The following ALK variants were observed in gnomAD, a reference collection of about 807,000 sequenced individuals.
ALK encodes ALK tyrosine kinase receptor.
Under a neutral mutation model 163.1 loss-of-function variants are expected in ALK, and 74 were observed. The observed-to-expected ratio is 0.45, with a 90% CI of 0.38 to 0.55. The LOEUF is 0.55. Among genes scored for constraint, ALK ranks in the 20% least tolerant of loss-of-function variants. The pLI is 0.00. For synonymous variants in ALK, 960 were observed against 843.2 expected, an observed-to-expected ratio of 1.14 and a Z score of -2.40; for missense variants, 2,063 against 2,105.3, an observed-to-expected ratio of 0.98 and a Z score of 0.39.
intron 3 of ALK, among the ~76,000 whole-genome samples, chr2:29,569,650 C>T (rs150286117): frequency 6.6e-6 from 1 of 152,238 alleles, no homozygotes; most frequent in African/African-American, 2.4e-5. Context: ...GTTTCTTGGC[C>T]ATCACTCAAA....
Position 29,229,080 on chromosome 2 carries a change from T to C in ALK, c.2633-14A>G, listed in dbSNP as rs145204128. ...CACCTCCACCACCTGCGGGAAGAGA[T>C]AGGGAACCTGCGTGAGGATGCTGGC... On this transcript the variant is annotated splice_polypyrimidine_tract_variant and intron_variant, in intron 15 of 28. Transcript: ENST00000389048. 3 of 1,613,186 alleles carry C rather than the reference T, an allele frequency of 1.9e-6. No individual in the cohort carries two copies. Among genetic ancestry groups the C allele is most frequent in the Admixed American group, 1.7e-5 (1 of 60,006 alleles).
chr2:29,214,427 C>A (rs1431857701), intron 23 of ALK, among the ~76,000 whole-genome samples: 1 of 152,182 alleles, frequency 6.6e-6, no homozygotes, highest in Non-Finnish European at 1.5e-5. Context: ...CACATTCTCT[C>A]ACCCCAATCT....
intron 4 of ALK, among the ~76,000 whole-genome samples, chr2:29,440,802 C>T (rs940053408): frequency 1.3e-5 from 2 of 152,176 alleles, no homozygotes; most frequent in South Asian, 2.1e-4. Context: ...AGAACACAAG[C>T]GCAAAGGTAG....
At chr2:29,827,109 T>C (rs4131776) in intron 1 of ALK, among the ~76,000 whole-genome samples, 68,894 of 152,058 alleles carry the variant, frequency 0.45, 16,319 homozygotes, top group East Asian at 0.75. Flanking sequence ...TGGGTAACTA[T>C]TGCTAGAGGG....
intron 4 of ALK, among the ~76,000 whole-genome samples, chr2:29,470,111 G>C (rs1341589511): frequency 6.6e-6 from 1 of 152,006 alleles, no homozygotes; most frequent in African/African-American, 2.4e-5. Context: ...CAATAGATGA[G>C]TTTAACAGTA....
chr2:29,492,631 G>A (rs1573399170), intron 4 of ALK, among the ~76,000 whole-genome samples: 1 of 152,278 alleles, frequency 6.6e-6, no homozygotes, highest in East Asian at 1.9e-4. Flanking sequence ...TGCCTGATAA[G>A]AAAAAAGCCA....
intron 4 of ALK, among the ~76,000 whole-genome samples, chr2:29,450,843 C>T (rs1670801787): frequency 6.6e-6 from 1 of 152,128 alleles, no homozygotes; most frequent in Non-Finnish European, 1.5e-5. Flanking sequence ...CCTCAGATCA[C>T]TGACTACCCT....
chr2:29,652,586 A>C (rs1373107190), intron 3 of ALK, among the ~76,000 whole-genome samples: 3 of 152,198 alleles, frequency 2.0e-5, no homozygotes, highest in African/African-American at 7.2e-5. Context: ...GGATTTGGTC[A>C]CTGGAAAGAC....
At chr2:29,476,360 A>G (rs1446956760) in intron 4 of ALK, among the ~76,000 whole-genome samples, 1 of 152,206 alleles carries the variant, frequency 6.6e-6, no homozygotes, top group Non-Finnish European at 1.5e-5. Flanking sequence ...AATTACCACA[A>G]TCATTTTAAA....
At chr2:29,449,203 A>C (rs1670761060) in intron 4 of ALK, among the ~76,000 whole-genome samples, 1 of 152,210 alleles carries the variant, frequency 6.6e-6, no homozygotes, top group African/African-American at 2.4e-5. Context: ...CTAGGGATAT[A>C]AGATGGATAA....
At chr2:29,642,388 T>A (rs1573521883) in intron 3 of ALK, among the ~76,000 whole-genome samples, 1 of 152,134 alleles carries the variant, frequency 6.6e-6, no homozygotes, top group Admixed American at 6.6e-5. Flanking sequence ...AATGCCTCTC[T>A]CACAGCCATA....
At chr2:29,453,146 T>C (rs1012456235) in intron 4 of ALK, among the ~76,000 whole-genome samples, 4 of 152,244 alleles carry the variant, frequency 2.6e-5, no homozygotes, top group Admixed American at 2.0e-4. Flanking sequence ...TTAGATAAGA[T>C]GTTGGCATAA....
intron 11 of ALK, among the ~76,000 whole-genome samples, chr2:29,271,887 G>A (rs924831549): frequency 3.9e-5 from 6 of 152,214 alleles, no homozygotes; most frequent in Admixed American, 1.3e-4. Context: ...TTAGGGTTGT[G>A]GAGTTGGGCC....
intron 4 of ALK, among the ~76,000 whole-genome samples, chr2:29,498,215 A>G (rs1308197322): frequency 2.6e-5 from 4 of 152,188 alleles, no homozygotes; most frequent in African/African-American, 9.7e-5. Context: ...TTAATGCCCA[A>G]ATATGACCTA....
Position 29,275,243 on chromosome 2 carries a change from C to T in ALK, c.1913-16G>A, listed in dbSNP as rs760419450. The T allele has an allele frequency of 1.2e-6, 2 of 1,613,966 alleles. No homozygotes were observed. The highest frequency in any genetic ancestry group is 1.3e-5 in the African/African-American group (1 of 75,012). ...TCTCCGCTAACTGCAATAGAGAAGACCCCACGGGCTGAGTTAGGTGAGGGT... is the reference window on the plus strand; with the variant it reads ...TCTCCGCTAACTGCAATAGAGAAGATCCCACGGGCTGAGTTAGGTGAGGGT... On this transcript the variant is annotated splice_polypyrimidine_tract_variant and intron_variant, in intron 10 of 28. Transcript: ENST00000389048.
At chr2:29,347,881 C>T (rs1667997061) in intron 5 of ALK, among the ~76,000 whole-genome samples, 1 of 152,146 alleles carries the variant, frequency 6.6e-6, no homozygotes, top group East Asian at 1.9e-4. Flanking sequence ...TTCTTAACAC[C>T]CCCGGAGTTT....
At chr2:29,516,597 C>T (rs1301464851) in intron 4 of ALK, among the ~76,000 whole-genome samples, 1 of 152,204 alleles carries the variant, frequency 6.6e-6, no homozygotes, top group Non-Finnish European at 1.5e-5. Flanking sequence ...CTCTACATCT[C>T]TTCTGGAGGG....
intron 4 of ALK, 37 bp downstream of exon 4, chr2:29,531,878 G>A (rs780456191): frequency 7.5e-6 from 12 of 1,606,256 alleles, no homozygotes; most frequent in African/African-American, 1.3e-5. Context: ...CAAATCACCT[G>A]GTATAAAATC....
chr2:29,608,544 C>T (rs1675601624), intron 3 of ALK, among the ~76,000 whole-genome samples: 1 of 152,206 alleles, frequency 6.6e-6, no homozygotes, highest in African/African-American at 2.4e-5. Context: ...TGTTGAGTCT[C>T]TCCTAAGTTC....
Sources: allele counts gnomAD v4.1 joint callset (sites outside exome capture counted in the v4.1 genomes callset), GRCh38; gene constraint gnomAD v4.1.1; transcripts MANE v1.5; gene names NCBI Gene and HGNC (gene_info 2026-07-23, HGNC 2026-07-21).